Variants in CLIC3 observed in about 807,000 individuals in gnomAD.
The protein encoded by CLIC3 is CLIC family member 3.
A neutral mutation model predicts 19.9 loss-of-function variants in CLIC3; 29 were observed. The ratio of observed to expected loss-of-function variants is 1.46; its 90% confidence interval spans 1.09 to 1.99. The LOEUF (loss-of-function observed/expected upper bound fraction) is 1.99, where lower values mean the gene tolerates loss of function less well. Ranked by LOEUF, CLIC3 falls within the 30% of genes most tolerant of loss-of-function variation. The probability of loss-of-function intolerance (pLI) is 0.00; values close to 1 mark genes in which losing one functional copy is unlikely to be tolerated. For missense variants in CLIC3, 365 were observed against 342.6 expected (o/e 1.07, Z -0.52); for synonymous variants, 143 against 156.4 (o/e 0.91, Z 0.64).
Position 136,995,458 on chromosome 9 carries a change from T to C in CLIC3, c.253A>G (p.Thr85Ala). Residue 85 changes from threonine to alanine, a missense_variant, in exon 3 of 6, where the codon ACG becomes GCG. Transcript: ENST00000494426. The stretch of plus-strand genomic sequence containing the variant: ...GGCTCTCACTCGGGCGGCCCCAGCG[T>C]CTCCTCCAGAAAGTCCTCGATCTGC... ...TLQIEDFLEE[T>A]LGPPDFPSLA... The C allele has an allele frequency of 1.2e-6, 2 of 1,612,464 alleles. No homozygotes were observed. Among genetic ancestry groups the C allele is most frequent in the Non-Finnish European group, 1.7e-6 (2 of 1,179,822 alleles).
rs1156666279 is a variant in CLIC3, at chr9:136,994,637, C to T, written c.*44G>A. 2 of 1,581,522 alleles carry T rather than the reference C, an allele frequency of 1.3e-6. No individual in the cohort carries two copies. The highest frequency in any genetic ancestry group is 1.7e-6 in the Non-Finnish European group (2 of 1,163,302). On this transcript the variant is annotated 3_prime_UTR_variant, in exon 6 of 6. Transcript: ENST00000494426. ...TTCAGATGTCAGGACACCCTCACTCCCGACAAAGATGCCTTTATTGGGCGA... is the reference window on the plus strand; with the variant it reads ...TTCAGATGTCAGGACACCCTCACTCTCGACAAAGATGCCTTTATTGGGCGA...
Position 136,995,489 on chromosome 9 carries a change from G to A in CLIC3, c.222C>T (p.Asp74=). The A allele has an allele frequency of 6.2e-7, 1 of 1,612,662 alleles. No individual in the cohort carries two copies. Among genetic ancestry groups the A allele is most frequent in the Non-Finnish European group, 8.5e-7 (1 of 1,179,896 alleles). ...CCAGAAAGTCCTCGATCTGCAGCGT[G>A]TCTGTCTTGGCGTCGCTGTCATAGA... is the stretch of plus-strand genomic sequence containing the variant. ...ILLYDSDAKT[D]TLQIEDFLEE... Residue 74 remains aspartate (D), a synonymous_variant, in exon 3 of 6, where the codon GAC becomes GAT. Coordinates refer to ENST00000494426, the MANE Select transcript of CLIC3 (RefSeq NM_004669.3).
intron 1 of CLIC3, 122 bp downstream of exon 1, chr9:136,996,389 C>T: frequency 3.3e-6 from 3 of 897,004 alleles, no homozygotes; most frequent in South Asian, 1.6e-5. Flanking sequence ...GTCCCCCTAG[C>T]CACCCACAGG....
At chr9:136,996,311 G>A (rs1830703433) in intron 1 of CLIC3, among the ~76,000 whole-genome samples, 200 bp downstream of exon 1, 1 of 152,176 alleles carries the variant, frequency 6.6e-6, no homozygotes, top group African/African-American at 2.4e-5. Context: ...AGCAGGACCA[G>A]GGCCACTGAC....
At chr9:136,996,091 T>C (rs1459538814) in intron 1 of CLIC3, among the ~76,000 whole-genome samples, 1 of 152,068 alleles carries the variant, frequency 6.6e-6, no homozygotes, top group Non-Finnish European at 1.5e-5. Flanking sequence ...GTTTTCTGAG[T>C]GATTCACACA....
intron 5 of CLIC3, 21 bp from the exon 6 acceptor site, chr9:136,994,860 C>A (rs1830673448): frequency 1.3e-6 from 2 of 1,525,642 alleles, no homozygotes; most frequent in Admixed American, 2.0e-5. Flanking sequence ...GATCGCGGGG[C>A]GCGGTCAGGA....
intron 4 of CLIC3, 22 bp from the exon 5 acceptor site, chr9:136,995,127 G>T: frequency 6.3e-7 from 1 of 1,577,612 alleles, no homozygotes; most frequent in Non-Finnish European, 8.6e-7. Context: ...GCGGCGCGGT[G>T]AGGACCAGGC....
Position 136,995,001 on chromosome 9 carries a change from G to A in CLIC3, c.481C>T (p.Arg161Cys), listed in dbSNP as rs969745559. Residue 161 changes from arginine (R) to cysteine (C), a missense_variant, in exon 5 of 6, where the codon CGC becomes TGC. Physicochemically the swap from Arg to Cys is radical, Grantham distance 180. Transcript: ENST00000494426. ...AGCCTGTCGCCGTCCAGGAAGCGGC[G>A]GCGGGACTCGCGCAGCTGCGGCTCC... ...AGEPQLRESR[R>C]RFLDGDRLTL... The A allele has an allele frequency of 2.7e-6, 4 of 1,505,770 alleles. No individual in the cohort carries two copies. Among genetic ancestry groups the A allele is most frequent in the African/African-American group, 1.4e-5 (1 of 69,812 alleles). 93.3% of individuals were successfully genotyped at this position (1,505,770 alleles called of 1,614,324 possible).
At position 136,994,797 on chromosome 9, in the gene CLIC3, G is replaced by A. The variant is rs372081015; in HGVS notation, c.595C>T (p.Leu199=). 36 of 1,590,650 alleles carry A rather than the reference G, an allele frequency of 2.3e-5. No individual in the cohort carries two copies. The African/African-American group carries it at 3.9e-4, about 17-fold the overall frequency. The part of the protein sequence containing the change: ...HFRQAPIPAE[L]RGVRRYLDSA... ...TCCAGGTAGCGGCGTACGCCGCGCA[G>A]CTCCGCGGGGATGGGCGCCTGGCGG... The change falls in exon 6 of 6, where the codon CTG becomes TTG. Residue 199 remains leucine, a synonymous_variant. Coordinates refer to ENST00000494426, the MANE Select transcript of CLIC3 (RefSeq NM_004669.3).
rs1199758331 is a variant in CLIC3 at position 136,994,921 on chromosome 9, C to T, written c.552+9G>A. ...GTCACCCTCCCGCCCGCCCACCTTC[C>T]GTGCTCACGTCGACGATGTGCAGCT... On this transcript the variant is annotated intron_variant, in intron 5 of 5. Coordinates refer to ENST00000494426, the MANE Select transcript of CLIC3 (RefSeq NM_004669.3). 1 of 1,482,700 alleles carries T rather than the reference C, an allele frequency of 6.7e-7. No homozygotes were observed. The highest frequency in any genetic ancestry group is 8.9e-7 in the Non-Finnish European group (1 of 1,124,086). 91.8% of individuals were successfully genotyped at this position (1,482,700 alleles called of 1,614,324 possible).
Position 136,995,543 on chromosome 9 carries a change from G to A in CLIC3, c.168C>T (p.Phe56=). 1 of 1,612,468 alleles carries A rather than the reference G, an allele frequency of 6.2e-7. No homozygotes were observed. The highest frequency in any genetic ancestry group is 8.5e-7 in the Non-Finnish European group (1 of 1,179,832). The stretch of plus-strand genomic sequence containing the variant: ...GGATGGGCAGCTGCGAGCCGGGGGC[G>A]AAGTCCTTCAGCACGTCCGGGGACC... ...TRRSPDVLKD[F]APGSQLPILL... The change falls in exon 3 of 6, where the codon TTC becomes TTT. Residue 56 remains phenylalanine (F), a synonymous_variant. Coordinates refer to ENST00000494426, the MANE Select transcript of CLIC3 (RefSeq NM_004669.3).
At chr9:136,994,881 C>A (rs946897574) in intron 5 of CLIC3, 42 bp from the exon 6 acceptor site, 1 of 1,482,078 alleles carries the variant, frequency 6.7e-7, no homozygotes, top group African/African-American at 1.5e-5. Context: ...CCTGCCGTCC[C>A]CCAGGCGCGC....
chr9:136,994,943 A>T lies in CLIC3; in HGVS notation c.539T>A (p.Leu180Gln). The stretch of plus-strand genomic sequence containing the variant: ...TTCCGTGCTCACGTCGACGATGTGC[A>T]GCTTGGGCAGGAGGCTGCAGTCGGC... ...TLADCSLLPK[L>Q]HIVDTVCAHF... Residue 180 changes from leucine (L) to glutamine (Q), a missense_variant, in exon 5 of 6, where the codon CTG becomes CAG. Coordinates refer to ENST00000494426, the MANE Select transcript of CLIC3 (RefSeq NM_004669.3). 7.5e-7 allele frequency: 1 copy of T among 1,331,052 alleles called. No homozygotes were observed. Among genetic ancestry groups the T allele is most frequent in the South Asian group, 1.3e-5 (1 of 76,714 alleles). 82.5% of individuals were successfully genotyped at this position (1,331,052 alleles called of 1,614,324 possible). A position where few individuals can be genotyped will look rare whatever the true frequency, so the allele number is the denominator to read the frequency against.
At position 136,994,741 on chromosome 9, in the gene CLIC3, G is replaced by A. The variant is rs753304516; in HGVS notation, c.651C>T (p.Tyr217=). Residue 217 remains tyrosine, a synonymous_variant, in exon 6 of 6, where the codon TAC becomes TAT. Coordinates refer to ENST00000494426, the MANE Select transcript of CLIC3 (RefSeq NM_004669.3). ...GGATCTCGGCGCTGTGCGGACACGT[G>A]TATTTGAACTCTTTCTCCTGCATCG... ...DSAMQEKEFK[Y]TCPHSAEILA... is the part of the protein sequence containing the mutation. 14 of 1,609,310 alleles carry A rather than the reference G, an allele frequency of 8.7e-6. No individual in the cohort carries two copies. The highest frequency in any genetic ancestry group is 7.7e-5 in the South Asian group (7 of 90,506).
Position 136,995,216 on chromosome 9 carries a change from T to G in CLIC3, c.346A>C (p.Ile116Leu), listed in dbSNP as rs1830684063. The G allele has an allele frequency of 1.2e-6, 2 of 1,612,670 alleles. No individual in the cohort carries two copies. Among genetic ancestry groups the G allele is most frequent in the Non-Finnish European group, 1.7e-6 (2 of 1,179,880 alleles). Residue 116 changes from isoleucine to leucine, a missense_variant, in exon 4 of 6, where the codon ATC (isoleucine) becomes CTC (leucine). Ile to Leu is a conservative substitution (Grantham distance 5). Coordinates refer to ENST00000494426, the MANE Select transcript of CLIC3 (RefSeq NM_004669.3). ...TCCTGCGCGGGCACCGGGTTCTTGA[T>G]GAACGCGGAGAACTTGTGGAAAACG... Reference protein sequence around the residue: ...NDVFHKFSAFIKNPVPAQDEA... With the variant: ...NDVFHKFSAFLKNPVPAQDEA...
At chr9:136,996,067 G>C (rs1830700697) in intron 1 of CLIC3, among the ~76,000 whole-genome samples, 2 of 152,172 alleles carry the variant, frequency 1.3e-5, no homozygotes, top group African/African-American at 4.8e-5. Flanking sequence ...GGGGTGGGGT[G>C]GGCCTCACAA....
Position 136,996,560 on chromosome 9 carries a change from G to C in CLIC3, c.-17C>G. 1 of 1,552,288 alleles carries C rather than the reference G, an allele frequency of 6.4e-7. No individual in the cohort carries two copies. The highest frequency in any genetic ancestry group is 8.7e-7 in the Non-Finnish European group (1 of 1,147,522). On this transcript the variant is annotated 5_prime_UTR_variant, in exon 1 of 6. Coordinates refer to ENST00000494426, the MANE Select transcript of CLIC3 (RefSeq NM_004669.3). ...CTCCGCCATGGTGGGAGCTGCCGCG[G>C]TCAGGCGCGGGTGGGGACCTGGGGA...
Position 136,996,520 on chromosome 9 carries a change from C to G in CLIC3, c.24G>C (p.Leu8=). The part of the protein sequence containing the change: MAETKLQ[L]FVKASEDGES... ...TGAGTCCGCCCTGCACCTTGACAAA[C>G]AGCTGGAGCTTGGTCTCCGCCATGG... is the stretch of plus-strand genomic sequence containing the variant. Residue 8 remains leucine, a synonymous_variant, in exon 1 of 6, where the codon CTG becomes CTC. Coordinates refer to ENST00000494426, the MANE Select transcript of CLIC3 (RefSeq NM_004669.3). The G allele has an allele frequency of 6.4e-7, 1 of 1,555,528 alleles. No individual in the cohort carries two copies. Among genetic ancestry groups the G allele is most frequent in the Non-Finnish European group, 8.7e-7 (1 of 1,149,010 alleles).
In CLIC3 at chr9:136,994,622, AG is replaced by A; in HGVS notation, c.*58del. On this transcript the variant is annotated 3_prime_UTR_variant, in exon 6 of 6. Coordinates refer to ENST00000494426, the MANE Select transcript of CLIC3 (RefSeq NM_004669.3). The stretch of plus-strand genomic sequence containing the variant: ...CGAGACCTCTGGCCCTTCAGATGTC[AG>A]GACACCCTCACTCCCGACAAAGATG... 5 of 1,547,122 alleles carry A rather than the reference AG, an allele frequency of 3.2e-6. No homozygotes were observed. Among genetic ancestry groups the A allele is most frequent in the Non-Finnish European group, 4.4e-6 (5 of 1,142,052 alleles).
Sources: allele counts gnomAD v4.1 joint callset (sites outside exome capture counted in the v4.1 genomes callset), GRCh38; gene constraint gnomAD v4.1.1; transcripts MANE v1.5; gene names NCBI Gene and HGNC (gene_info 2026-07-23, HGNC 2026-07-21).